The following RALGAPA2 variants were observed in gnomAD, a reference collection of about 807,000 sequenced individuals.
RALGAPA2 encodes ral GTPase-activating protein subunit alpha-2.
Under a neutral mutation model 230.4 loss-of-function variants are expected in RALGAPA2, and 139 were observed. The observed-to-expected ratio is 0.60, with a 90% CI of 0.53 to 0.69. The LOEUF (loss-of-function observed/expected upper bound fraction) is 0.69, where lower values mean the gene tolerates loss of function less well. Among genes scored for constraint, RALGAPA2 ranks in the 30% least tolerant of loss-of-function variants. The pLI, the probability that RALGAPA2 is intolerant of heterozygous loss-of-function variation, is 0.00. For synonymous variants in RALGAPA2, 847 were observed against 837.8 expected (o/e 1.01, Z -0.19); for missense variants, 2,163 against 2,276.0 (o/e 0.95, Z 1.01).
At chr20:20,687,833 C>T (rs976142038) in intron 1 of RALGAPA2, among the ~76,000 whole-genome samples, 1 of 152,098 alleles carries the variant, frequency 6.6e-6, no homozygotes, top group African/African-American at 2.4e-5. Context: ...ATCATCCCCT[C>T]CATTAAAGAA....
At chr20:20,623,535 G>A (rs1200155821) in intron 10 of RALGAPA2, among the ~76,000 whole-genome samples, 2 of 150,838 alleles carry the variant, frequency 1.3e-5, no homozygotes, top group African/African-American at 4.9e-5. Flanking sequence ...AATCAGAGTA[G>A]GATACTCTTC....
intron 22 of RALGAPA2, 88 bp from the exon 23 acceptor site, chr20:20,571,701 G>A: frequency 1.3e-6 from 2 of 1,502,134 alleles, no homozygotes; most frequent in Non-Finnish European, 1.8e-6. Context: ...TTCCTTAAGA[G>A]TTGTTTATGG....
chr20:20,643,822 CTT>C lies in RALGAPA2; in HGVS notation c.329-275_329-274del, dbSNP rs762812163. 4.0e-5 allele frequency among the ~76,000 whole-genome samples: 6 copies of C among 151,774 alleles called. No individual in the cohort carries two copies. The East Asian group carries it at 7.7e-4, about 20-fold the overall frequency. Reference sequence around the variant, plus strand: ...CACAGTGGATTATGCGCATATATCTCTTGTCATGCATAAAATGGATGCTTTTT... The same window carrying C: ...CACAGTGGATTATGCGCATATATCTCGTCATGCATAAAATGGATGCTTTTT... On this transcript the variant is annotated intron_variant, in intron 4 of 39. Transcript: ENST00000202677.
At chr20:20,663,616 G>A (rs2067858923) in intron 3 of RALGAPA2, among the ~76,000 whole-genome samples, 1 of 151,980 alleles carries the variant, frequency 6.6e-6, no homozygotes, top group African/African-American at 2.4e-5. Context: ...TTTTGAGACA[G>A]AGTCTCACTC....
chr20:20,458,826 A>ATATATAGACCTATATATATATAGACC (rs1274312220), intron 37 of RALGAPA2, among the ~76,000 whole-genome samples: 6 of 6,530 alleles, frequency 9.2e-4, no homozygotes, highest in Admixed American at 1.9e-3. Context: ...ATAGACCTAT[A>ATATATAGACCTATATATATATAGACC]TATATATATA....
intron 33 of RALGAPA2, among the ~76,000 whole-genome samples, chr20:20,510,219 G>C (rs1348354696): frequency 1.3e-5 from 2 of 152,106 alleles, no homozygotes; most frequent in African/African-American, 4.8e-5. Context: ...AGTGGATGAA[G>C]GATTTAATGA....
At chr20:20,477,230 G>A (rs1236184453) in intron 36 of RALGAPA2, among the ~76,000 whole-genome samples, 1 of 152,096 alleles carries the variant, frequency 6.6e-6, no homozygotes, top group African/African-American at 2.4e-5. Flanking sequence ...CCAAGGAAAC[G>A]TTTTCCAGAA....
intron 34 of RALGAPA2, among the ~76,000 whole-genome samples, 162 bp from the exon 35 acceptor site, chr20:20,503,668 TAAAG>T (rs2062446029): frequency 2.0e-5 from 3 of 152,206 alleles, no homozygotes; most frequent in African/African-American, 7.2e-5. Flanking sequence ...ATTAAAATGT[TAAAG>T]AAATAAAAAA....
At chr20:20,652,029 T>C (rs2067416903) in intron 4 of RALGAPA2, among the ~76,000 whole-genome samples, 1 of 152,242 alleles carries the variant, frequency 6.6e-6, no homozygotes, top group Non-Finnish European at 1.5e-5. Flanking sequence ...AAAACTTTCT[T>C]TGTGTATTTG....
intron 37 of RALGAPA2, among the ~76,000 whole-genome samples, chr20:20,444,606 C>T (rs565472362): frequency 1.3e-5 from 2 of 151,400 alleles, no homozygotes; most frequent in Non-Finnish European, 1.5e-5. Context: ...GGAAGGATAA[C>T]TCCTCTCCTG....
intron 25 of RALGAPA2, 115 bp from the exon 26 acceptor site, chr20:20,535,918 G>C: frequency 7.0e-7 from 1 of 1,420,720 alleles, no homozygotes; most frequent in Non-Finnish European, 9.2e-7. Context: ...GGAGCTCAGA[G>C]AGCTCATCTA....
chr20:20,621,696 T>C (rs1285617650), intron 10 of RALGAPA2, among the ~76,000 whole-genome samples: 2 of 152,318 alleles, frequency 1.3e-5, no homozygotes, highest in South Asian at 4.1e-4. Context: ...TACAACAATT[T>C]TGATTTAATG....
intron 18 of RALGAPA2, among the ~76,000 whole-genome samples, chr20:20,589,066 T>G (rs2065212911): frequency 6.6e-6 from 1 of 152,188 alleles, no homozygotes; most frequent in South Asian, 2.1e-4. Context: ...CATGTTAATT[T>G]TTTTCCTATT....
At chr20:20,457,044 T>C (rs1456115224) in intron 37 of RALGAPA2, among the ~76,000 whole-genome samples, 1 of 152,184 alleles carries the variant, frequency 6.6e-6, no homozygotes, top group Non-Finnish European at 1.5e-5. Context: ...AGGACTTCTA[T>C]TAATATTTAT....
chr20:20,502,675 G>C (rs2062411575), intron 35 of RALGAPA2, among the ~76,000 whole-genome samples: 1 of 152,318 alleles, frequency 6.6e-6, no homozygotes, highest in Admixed American at 6.5e-5. Flanking sequence ...ATGTGGTAGG[G>C]AGAGAGTAAG....
chr20:20,412,027 C>T lies in RALGAPA2; in HGVS notation c.5617G>A (p.Asp1873Asn), dbSNP rs747231435. ...AGAGAAGAATAATGTAGACACTCAC[C>T]CGTTCCGCTGAGGGAGTAGCTGGGA... ...PSPSYSLSGT[D>N] is the part of the protein sequence containing the mutation. Residue 1873 changes from aspartate to asparagine, a missense_variant and splice_region_variant, in exon 38 of 40, where the codon GAT becomes AAT. By Grantham distance (23) the Asp-to-Asn change is conservative. Coordinates refer to ENST00000202677, the MANE Select transcript of RALGAPA2 (RefSeq NM_020343.4). 9 of 1,613,856 alleles carry T rather than the reference C, an allele frequency of 5.6e-6. No individual in the cohort carries two copies. The South Asian group carries it at 8.8e-5, about 16-fold the overall frequency.
chr20:20,562,209 T>C (rs2145845444), intron 23 of RALGAPA2, among the ~76,000 whole-genome samples: 1 of 152,058 alleles, frequency 6.6e-6, no homozygotes, highest in Middle Eastern at 3.4e-3. Context: ...CCATTTTCTA[T>C]CAATCAATAT....
intron 1 of RALGAPA2, among the ~76,000 whole-genome samples, chr20:20,686,446 T>C (rs2068702158): frequency 6.6e-6 from 1 of 150,750 alleles, no homozygotes; most frequent in Non-Finnish European, 1.5e-5. Flanking sequence ...CTCGGGAGGC[T>C]GAGGCAGGAG....
intron 14 of RALGAPA2, among the ~76,000 whole-genome samples, chr20:20,608,795 G>A (rs919830133): frequency 6.6e-6 from 1 of 152,142 alleles, no homozygotes; most frequent in Non-Finnish European, 1.5e-5. Flanking sequence ...AAATCCCAAT[G>A]GGCCCACTCT....
Sources: gnomAD v4.1 joint callset for allele counts (sites outside exome capture counted in the v4.1 genomes callset) on GRCh38, gnomAD v4.1.1 for gene constraint, MANE v1.5 for transcripts, NCBI Gene and HGNC (gene_info 2026-07-23, HGNC 2026-07-21) for gene names.